The following THRAP3 variants were observed in gnomAD, a reference collection of about 807,000 sequenced individuals.
THRAP3 encodes thyroid hormone receptor-associated protein 3.
THRAP3 carries 16 observed loss-of-function variants against 101.0 expected under a neutral mutation model. The observed-to-expected ratio is 0.16, with a 90% CI of 0.11 to 0.24. THRAP3 has a LOEUF of 0.24. THRAP3 is among the 10% of genes least tolerant of loss of function. The pLI is 1.00. For missense variants in THRAP3, 989 were observed against 1,202.7 expected (o/e 0.82, Z 2.63); for synonymous variants, 407 against 422.6 (o/e 0.96, Z 0.45).
At chr1:36,226,366 TCTC>T (rs1418736527) in intron 1 of THRAP3, among the ~76,000 whole-genome samples, 1 of 152,172 alleles carries the variant, frequency 6.6e-6, no homozygotes, top group African/African-American at 2.4e-5. Flanking sequence ...TTCAAGCGAT[TCTC>T]CTGCTTCTGC....
intron 11 of THRAP3, among the ~76,000 whole-genome samples, chr1:36,303,259 C>T (rs1646053104): frequency 6.6e-6 from 1 of 152,052 alleles, no homozygotes. Flanking sequence ...CCACTGCACC[C>T]AGCCGCATTG....
chr1:36,276,321 G>C (rs1290985044), intron 2 of THRAP3, among the ~76,000 whole-genome samples: 3 of 151,556 alleles, frequency 2.0e-5, no homozygotes, highest in African/African-American at 7.3e-5. Flanking sequence ...TCAGAAGATT[G>C]AGACCATCCT....
chr1:36,239,249 A>G (rs974280336), intron 1 of THRAP3, among the ~76,000 whole-genome samples: 9 of 119,438 alleles, frequency 7.5e-5, no homozygotes, highest in African/African-American at 2.8e-4. Context: ...TGTGTTGCCC[A>G]GGCTGGTCTT....
At chr1:36,247,844 CTT>C (rs1219092357) in intron 1 of THRAP3, among the ~76,000 whole-genome samples, 1 of 146,898 alleles carries the variant, frequency 6.8e-6, no homozygotes, top group African/African-American at 2.5e-5. Context: ...AATTTTGTAT[CTT>C]TTGACCACAT....
rs999335791 is a variant in THRAP3 at position 36,238,245 on chromosome 1, A to G, written c.-135+13740A>G. 2.6e-5 allele frequency among the ~76,000 whole-genome samples: 4 copies of G among 152,122 alleles called. No individual in the cohort carries two copies. In the South Asian group the frequency reaches 6.2e-4, roughly 24 times the overall value. On this transcript the variant is annotated intron_variant, in intron 1 of 11. Transcript: ENST00000354618. ...AGCTTCCTCAGAGTGCTAGGATTAT[A>G]TGGGTAAAACATCGTGCTCAGCCTG...
intron 2 of THRAP3, among the ~76,000 whole-genome samples, chr1:36,265,238 T>C (rs1157374343): frequency 2.0e-5 from 3 of 152,222 alleles, no homozygotes; most frequent in Non-Finnish European, 4.4e-5. Flanking sequence ...TATGAAACTT[T>C]ATTATTAACT....
intron 2 of THRAP3, among the ~76,000 whole-genome samples, chr1:36,271,357 A>G (rs1270025432): frequency 6.6e-6 from 1 of 150,956 alleles, no homozygotes; most frequent in African/African-American, 2.5e-5. Context: ...ATCTCTGCTC[A>G]CTGCAACCTC....
intron 2 of THRAP3, among the ~76,000 whole-genome samples, chr1:36,280,855 G>A (rs953370566): frequency 1.2e-4 from 18 of 150,584 alleles, no homozygotes; most frequent in Non-Finnish European, 2.4e-4. Context: ...TCCTGGAGGG[G>A]GAAAAAAGGA....
At chr1:36,230,084 C>T (rs141540898) in intron 1 of THRAP3, among the ~76,000 whole-genome samples, 1,914 of 150,532 alleles carry the variant, frequency 0.013, 34 homozygotes, top group Non-Finnish European at 0.016. Context: ...CCTCCCGAGT[C>T]GCTGGGATTA....
At position 36,271,407 on chromosome 1, in the gene THRAP3, T is replaced by A. The variant is rs551492648; in HGVS notation, c.-31-11126T>A. Among the ~76,000 whole-genome samples, 15 of 152,154 alleles carry A rather than the reference T, an allele frequency of 9.9e-5. No individual in the cohort carries two copies. The South Asian group carries it at 2.5e-3, about 25-fold the overall frequency. Reference sequence around the variant, plus strand: ...AAGCGATTCTCCCGCCTCAGCTTCCTGAGTAGCTGGGATTACAGGTGCATG... The same window carrying A: ...AAGCGATTCTCCCGCCTCAGCTTCCAGAGTAGCTGGGATTACAGGTGCATG... On this transcript the variant is annotated intron_variant, in intron 2 of 11. Coordinates refer to ENST00000354618, the MANE Select transcript of THRAP3 (RefSeq NM_005119.4).
rs267598582 is a variant in THRAP3 at position 36,286,617 on chromosome 1, C to A, written c.387C>A (p.Ser129=). The change falls in exon 4 of 12, where the codon TCC becomes TCA. Residue 129 remains serine (S), a synonymous_variant. Coordinates refer to ENST00000354618, the MANE Select transcript of THRAP3 (RefSeq NM_005119.4). The surrounding 1 kb of genome is among the most constrained non-coding windows in gnomAD (Gnocchi z 5.5). ...GTCGAGGCCGTTCAAGATCCCGGTC[C>A]CCAAAGAGAAGGTCCCCTTCACCAA... ...SPRRGRSRSR[S]PKRRSPSPRS... The A allele has an allele frequency of 6.2e-7, 1 of 1,614,126 alleles. No individual in the cohort carries two copies. The highest frequency in any genetic ancestry group is 1.7e-5 in the Admixed American group (1 of 60,002).
intron 1 of THRAP3, among the ~76,000 whole-genome samples, chr1:36,231,810 T>C (rs1570226396): frequency 6.6e-6 from 1 of 152,256 alleles, no homozygotes; most frequent in East Asian, 1.9e-4. Context: ...TGTCCTAGAG[T>C]CTTGACTAAT....
At position 36,230,425 on chromosome 1, in the gene THRAP3, A is replaced by AT. The variant is rs748581786; in HGVS notation, c.-135+5928dup. The stretch of plus-strand genomic sequence containing the variant: ...GAGCCACCGCGCCCAGCCCTGGCTA[A>AT]TTTTTTTTGTATTTTTTAGTAGAGA... On this transcript the variant is annotated intron_variant, in intron 1 of 11. Coordinates refer to ENST00000354618, the MANE Select transcript of THRAP3 (RefSeq NM_005119.4). Among the ~76,000 whole-genome samples, 318 of 147,764 alleles carry AT rather than the reference A, an allele frequency of 2.2e-3. 1 individual carries two copies. Among genetic ancestry groups the AT allele is most frequent in the Non-Finnish European group, 3.1e-3 (210 of 66,970 alleles).
the THRAP3 span, among the ~76,000 whole-genome samples, chr1:36,213,713 G>A: frequency 6.6e-6 from 1 of 151,844 alleles, no homozygotes; most frequent in South Asian, 2.1e-4. Context: ...CGGGCATGGT[G>A]GCGTGCGCCT....
chr1:36,275,331 T>C (rs1256887484), intron 2 of THRAP3, among the ~76,000 whole-genome samples: 1 of 141,662 alleles, frequency 7.1e-6, no homozygotes, highest in Non-Finnish European at 1.5e-5. Flanking sequence ...CTCACGCCTG[T>C]AATCCCAGCA....
chr1:36,286,773 G>A lies in THRAP3; in HGVS notation c.543G>A (p.Lys181=), dbSNP rs201547029. The A allele has an allele frequency of 5.6e-6, 9 of 1,614,236 alleles. No individual in the cohort carries two copies. In the East Asian group the frequency reaches 1.1e-4, roughly 20 times the overall value. The change falls in exon 4 of 12, where the codon AAG becomes AAA. Residue 181 remains lysine, a synonymous_variant. Coordinates refer to ENST00000354618, the MANE Select transcript of THRAP3 (RefSeq NM_005119.4). The surrounding 1 kb of genome is among the most constrained non-coding windows in gnomAD (Gnocchi z 5.5). ...SSKRKSAKEK[K]SSSKDSRPSQ... The stretch of plus-strand genomic sequence containing the variant: ...AGCGCAAGTCTGCAAAGGAGAAAAA[G>A]TCCTCTTCTAAGGATAGCCGGCCAT...
At chr1:36,261,405 C>T (rs1011317331) in intron 2 of THRAP3, among the ~76,000 whole-genome samples, 9 of 152,070 alleles carry the variant, frequency 5.9e-5, no homozygotes, top group Admixed American at 3.3e-4. Context: ...CGGTGGTGGG[C>T]GCCTGTAGTC....
chr1:36,291,986 G>A (rs1645873766), intron 6 of THRAP3, among the ~76,000 whole-genome samples: 1 of 152,112 alleles, frequency 6.6e-6, no homozygotes, highest in Non-Finnish European at 1.5e-5. Context: ...GGTTGGGCCA[G>A]TTGCAGGTTC....
chr1:36,279,502 A>G (rs1265116138), intron 2 of THRAP3, among the ~76,000 whole-genome samples: 1 of 152,250 alleles, frequency 6.6e-6, no homozygotes, highest in Non-Finnish European at 1.5e-5. Context: ...CCACTCCTGA[A>G]TAACTTACTC....
Sources: gnomAD v4.1 joint callset for allele counts (sites outside exome capture counted in the v4.1 genomes callset) on GRCh38, gnomAD v4.1.1 for gene constraint, Gnocchi (gnomAD v3.1) non-coding constraint, MANE v1.5 for transcripts, NCBI Gene and HGNC (gene_info 2026-07-23, HGNC 2026-07-21) for gene names.